CADM2: variants seen among roughly 807,000 people sequenced by gnomAD.
CADM2 encodes immunoglobulin superfamily member 4D.
CADM2 carries 12 observed loss-of-function variants against 49.8 expected under a neutral mutation model. The observed-to-expected ratio is 0.24, with a 90% CI of 0.15 to 0.39. The LOEUF (loss-of-function observed/expected upper bound fraction) is 0.39. CADM2 is among the 10% of genes least tolerant of loss of function. The probability of loss-of-function intolerance (pLI) is 1.00; values close to 1 mark genes in which losing one functional copy is unlikely to be tolerated. For missense variants in CADM2, 378 were observed against 492.3 expected, an observed-to-expected ratio of 0.77 and a Z score of 2.20; for synonymous variants, 214 against 175.4, an observed-to-expected ratio of 1.22 and a Z score of -1.74.
rs71617940 is a variant in CADM2, at chr3:85,530,867, TACACACACACACACAC to T, written c.62-195623_62-195608del. Reference sequence around the variant, plus strand: ...CAAAATCAAGTGGTTTATGTAAAAATACACACACACACACACACACACACACACACACACACACACA... The same window carrying T: ...CAAAATCAAGTGGTTTATGTAAAAATACACACACACACACACACACACACA... On this transcript the variant is annotated intron_variant, in intron 1 of 9. Coordinates refer to ENST00000383699, the MANE Select transcript of CADM2 (RefSeq NM_001167675.2). Among the ~76,000 whole-genome samples, 929 of 136,932 alleles carry T rather than the reference TACACACACACACACAC, an allele frequency of 6.8e-3. 6 individuals carry two copies. Among genetic ancestry groups the T allele is most frequent in the Non-Finnish European group, 0.01 (652 of 64,254 alleles). The allele number at this position is 136,932 out of a possible 152,430, so 89.8% of individuals were successfully genotyped here.
At chr3:85,256,458 A>T (rs559726668) in intron 1 of CADM2, among the ~76,000 whole-genome samples, 1 of 152,206 alleles carries the variant, frequency 6.6e-6, no homozygotes, top group Admixed American at 6.6e-5. Context: ...AAGTGCTCCT[A>T]TTCAAAAAGA....
chr3:85,179,814 T>C (rs949293387), intron 1 of CADM2, among the ~76,000 whole-genome samples: 8 of 152,164 alleles, frequency 5.3e-5, no homozygotes, highest in African/African-American at 1.9e-4. Flanking sequence ...CCAACCTTTT[T>C]AATATTTATG....
At chr3:85,090,344 G>A (rs1288861192) in intron 1 of CADM2, among the ~76,000 whole-genome samples, 4 of 152,086 alleles carry the variant, frequency 2.6e-5, no homozygotes, top group Non-Finnish European at 5.9e-5. Context: ...TATTATGATT[G>A]CAGATAAGTA....
intron 1 of CADM2, among the ~76,000 whole-genome samples, chr3:85,550,487 G>A (rs2061775127): frequency 6.6e-6 from 1 of 152,116 alleles, no homozygotes; most frequent in Non-Finnish European, 1.5e-5. Flanking sequence ...TTTGTGACTG[G>A]GACCCCTGCT....
intron 2 of CADM2, among the ~76,000 whole-genome samples, chr3:85,759,363 G>C (rs955014214): frequency 6.6e-6 from 1 of 151,996 alleles, no homozygotes; most frequent in Admixed American, 6.6e-5. Context: ...CACGAATATG[G>C]TCTACTATAT....
intron 1 of CADM2, among the ~76,000 whole-genome samples, chr3:85,504,536 T>C (rs948957937): frequency 4.6e-5 from 7 of 152,192 alleles, no homozygotes; most frequent in Admixed American, 2.0e-4. Context: ...GGGCGCTGAT[T>C]GGTGCATTTA....
chr3:85,979,500 C>A (rs550481575), intron 8 of CADM2, among the ~76,000 whole-genome samples: 1 of 151,450 alleles, frequency 6.6e-6, no homozygotes, highest in Non-Finnish European at 1.5e-5. Context: ...TTATCAAAAT[C>A]TTGCAGAATA....
At chr3:85,781,790 T>A (rs2070663993) in intron 2 of CADM2, among the ~76,000 whole-genome samples, 1 of 152,170 alleles carries the variant, frequency 6.6e-6, no homozygotes, top group Non-Finnish European at 1.5e-5. Context: ...TCTATTTTCT[T>A]TCACAAAGCT....
chr3:85,808,282 T>C, intron 3 of CADM2, among the ~76,000 whole-genome samples: 1 of 152,188 alleles, frequency 6.6e-6, no homozygotes, highest in Non-Finnish European at 1.5e-5. Flanking sequence ...TAAGGCAACA[T>C]TCACTTGTTA....
chr3:85,615,358 C>G (rs975520417), intron 1 of CADM2, among the ~76,000 whole-genome samples: 7 of 151,916 alleles, frequency 4.6e-5, no homozygotes, highest in African/African-American at 1.7e-4. Context: ...ACTTTGTCAA[C>G]CTTTGTAATC....
chr3:85,252,708 T>C (rs2042802202), intron 1 of CADM2, among the ~76,000 whole-genome samples: 1 of 151,992 alleles, frequency 6.6e-6, no homozygotes, highest in Admixed American at 6.6e-5. Context: ...GGAGTCTGAC[T>C]CCAGAGCCCA....
chr3:85,384,415 T>A (rs2034092508), intron 1 of CADM2, among the ~76,000 whole-genome samples: 1 of 152,058 alleles, frequency 6.6e-6, no homozygotes, highest in Non-Finnish European at 1.5e-5. Flanking sequence ...GGGTTCAAGC[T>A]ATTCTCCCGC....
intron 3 of CADM2, among the ~76,000 whole-genome samples, chr3:85,814,954 A>T (rs1460043360): frequency 1.3e-5 from 2 of 152,110 alleles, no homozygotes; most frequent in Non-Finnish European, 2.9e-5. Context: ...ACCATCAGAG[A>T]ATACTATAAA....
At chr3:85,008,938 AAG>A (rs1397946590) in intron 1 of CADM2, among the ~76,000 whole-genome samples, 6 of 152,180 alleles carry the variant, frequency 3.9e-5, no homozygotes, top group African/African-American at 1.4e-4. Context: ...TAGCAAGAAA[AAG>A]AACAAAAGTG....
chr3:85,104,494 C>T (rs886746703), intron 1 of CADM2, among the ~76,000 whole-genome samples: 3 of 152,196 alleles, frequency 2.0e-5, no homozygotes, highest in Non-Finnish European at 1.5e-5. Flanking sequence ...AGTTTGAAGT[C>T]AGGTAGTGTG....
chr3:85,073,929 T>A (rs1353002510), intron 1 of CADM2, among the ~76,000 whole-genome samples: 1 of 152,152 alleles, frequency 6.6e-6, no homozygotes, highest in Non-Finnish European at 1.5e-5. Flanking sequence ...AGTAATTGAA[T>A]TGACTACCAA....
Position 85,022,201 on chromosome 3 carries a change from C to A in CADM2, c.61+62533C>A, listed in dbSNP as rs117523639. ...CTTCTAAATTTGTTCACAAGAATTCCCCTGAAAACACCCAGCTTCCCAGAT... is the reference window on the plus strand; with the variant it reads ...CTTCTAAATTTGTTCACAAGAATTCACCTGAAAACACCCAGCTTCCCAGAT... On this transcript the variant is annotated intron_variant, in intron 1 of 9. Coordinates refer to ENST00000383699, the MANE Select transcript of CADM2 (RefSeq NM_001167675.2). 3.6e-4 allele frequency among the ~76,000 whole-genome samples: 55 copies of A among 152,232 alleles called. 1 individual carries two copies. In the East Asian group the frequency reaches 0.01, roughly 28 times the overall value.
intron 1 of CADM2, among the ~76,000 whole-genome samples, chr3:85,535,320 A>G (rs2061400275): frequency 6.6e-6 from 1 of 152,138 alleles, no homozygotes; most frequent in Non-Finnish European, 1.5e-5. Flanking sequence ...TTATGCACAT[A>G]TGAATACAGA....
At chr3:85,392,743 A>G (rs568697070) in intron 1 of CADM2, among the ~76,000 whole-genome samples, 11 of 150,624 alleles carry the variant, frequency 7.3e-5, no homozygotes, top group African/African-American at 2.7e-4. Flanking sequence ...TTTTGTAATG[A>G]GCTTAATAAA....
Sources: allele counts gnomAD v4.1 joint callset (sites outside exome capture counted in the v4.1 genomes callset), GRCh38; gene constraint gnomAD v4.1.1; transcripts MANE v1.5; gene names NCBI Gene and HGNC (gene_info 2026-07-23, HGNC 2026-07-21).